The following TTC39A variants were observed in gnomAD, a reference collection of about 807,000 sequenced individuals.
TTC39A encodes the protein tetratricopeptide repeat protein 39A.
TTC39A carries 46 observed loss-of-function variants against 82.3 expected under a neutral mutation model. The ratio of observed to expected loss-of-function variants is 0.56; its 90% CI spans 0.44 to 0.71. The LOEUF is 0.71. Ranked by LOEUF, TTC39A falls within the 30% of genes least tolerant of loss-of-function variation. TTC39A has a pLI of 0.00. For synonymous variants in TTC39A, 254 were observed against 275.2 expected, an observed-to-expected ratio of 0.92 and a Z score of 0.76; for missense variants, 543 against 712.9, an observed-to-expected ratio of 0.76 and a Z score of 2.71.
chr1:51,326,707 T>A (rs1270370233), intron 1 of TTC39A, among the ~76,000 whole-genome samples: 1 of 152,050 alleles, frequency 6.6e-6, no homozygotes, highest in Non-Finnish European at 1.5e-5. Flanking sequence ...CAAAAATGCA[T>A]TCTGTGGAAG....
At chr1:51,335,903 GATA>G (rs1169798293), upstream of TTC39A, among the ~76,000 whole-genome samples, 2 of 152,100 alleles carry the variant, frequency 1.3e-5, no homozygotes, top group East Asian at 3.9e-4. Flanking sequence ...ATAAACCTGG[GATA>G]ATAATCCCAA....
upstream of TTC39A, among the ~76,000 whole-genome samples, chr1:51,335,564 A>C (rs1478236859): frequency 5.0e-5 from 5 of 99,448 alleles, no homozygotes; most frequent in Admixed American, 3.6e-4. Flanking sequence ...CTTGTCTCAC[A>C]AAAAAAAAAA....
intron 1 of TTC39A, among the ~76,000 whole-genome samples, chr1:51,325,609 C>T (rs933963567): frequency 3.0e-4 from 46 of 152,188 alleles, no homozygotes; most frequent in African/African-American, 1.0e-3. Context: ...GCACAGAGGA[C>T]GGGTAACTTG....
rs933550401 is a variant in TTC39A, at chr1:51,307,759, T to C, written c.488+1502A>G. 5.9e-5 allele frequency among the ~76,000 whole-genome samples: 9 copies of C among 151,998 alleles called. No homozygotes were observed. In the East Asian group the frequency reaches 1.5e-3, roughly 26 times the overall value. On this transcript the variant is annotated intron_variant, in intron 6 of 17. Coordinates refer to ENST00000680483, the MANE Select transcript of TTC39A (RefSeq NM_001297663.2). The stretch of plus-strand genomic sequence containing the variant: ...CAAAAAAAAAAAAAAAAAAAAGACT[T>C]TTTTACTTTTCCTCTTTTTTTCATT...
At chr1:51,292,251 T>G (rs1644252561) in intron 14 of TTC39A, among the ~76,000 whole-genome samples, 1 of 152,214 alleles carries the variant, frequency 6.6e-6, no homozygotes, top group Admixed American at 6.5e-5. Context: ...TAACTGTGTT[T>G]GCTTAAATGA....
rs1644678889 is a variant in TTC39A at position 51,302,016 on chromosome 1, A to T, written c.892-283T>A. The T allele has an allele frequency of 5.9e-6, 4 of 681,414 alleles. No individual in the cohort carries two copies. In the East Asian group the frequency reaches 1.1e-4, roughly 18 times the overall value. The allele number at this position is 681,414 out of a possible 1,614,324, so 42.2% of individuals were successfully genotyped here. ...GCAGGAGAGAGCTATAATGGAGGGG[A>T]GGTACCAGACTCCAGCCTAATCGTC... On this transcript the variant is annotated intron_variant, in intron 11 of 17. Transcript: ENST00000680483.
chr1:51,288,285 A>C lies in TTC39A; in HGVS notation c.1611-5T>G, dbSNP rs1644063470. On this transcript the variant is annotated splice_region_variant and splice_polypyrimidine_tract_variant and intron_variant, in intron 17 of 17. Coordinates refer to ENST00000680483, the MANE Select transcript of TTC39A (RefSeq NM_001297663.2). This position sits in a 1 kb window ranked among gnomAD's most constrained non-coding sequence, Gnocchi z 4.8. ...GAGTAATTCTTGTAGTTTTGCCTGG[A>C]ATTGAGCAGCGAATCAGACACATGA... 1.2e-6 allele frequency: 2 copies of C among 1,613,840 alleles called. No individual in the cohort carries two copies. The highest frequency in any genetic ancestry group is 1.7e-6 in the Non-Finnish European group (2 of 1,179,880).
intron 1 of TTC39A, among the ~76,000 whole-genome samples, chr1:51,327,052 G>A (rs1458633655): frequency 6.6e-6 from 1 of 152,190 alleles, no homozygotes; most frequent in East Asian, 1.9e-4. Flanking sequence ...AGGTAGCCTG[G>A]AGCCGCCCCC....
At chr1:51,331,341 T>A, upstream of TTC39A, 3 of 1,512,368 alleles carry the variant, frequency 2.0e-6, no homozygotes, top group Admixed American at 2.0e-5. Context: ...CCTGATCTTC[T>A]GGCACAGAAA....
chr1:51,317,443 G>A (rs1645327008), intron 2 of TTC39A, among the ~76,000 whole-genome samples: 1 of 152,130 alleles, frequency 6.6e-6, no homozygotes, highest in African/African-American at 2.4e-5. Context: ...CTATTTGGAG[G>A]AAAACTGTTA....
chr1:51,291,202 T>TG (rs891474751), intron 14 of TTC39A, among the ~76,000 whole-genome samples: 40 of 151,602 alleles, frequency 2.6e-4, no homozygotes, highest in African/African-American at 5.1e-4. Context: ...TAAAAAAATT[T>TG]GGGGGGGGCC....
Position 51,301,967 on chromosome 1 carries a change from G to A in TTC39A, c.892-234C>T, listed in dbSNP as rs939393996. ...AAATACAGCCCCCGCCTAGGACTCTGGTTTTTAGTAACAAAATGAAAGAGC... is the reference window on the plus strand; with the variant it reads ...AAATACAGCCCCCGCCTAGGACTCTAGTTTTTAGTAACAAAATGAAAGAGC... On this transcript the variant is annotated intron_variant, in intron 11 of 17. Transcript: ENST00000680483. 31 of 651,740 alleles carry A rather than the reference G, an allele frequency of 4.8e-5. 1 individual carries two copies. The Admixed American group carries it at 5.9e-4, about 12-fold the overall frequency. 40.4% of individuals were successfully genotyped at this position (651,740 alleles called of 1,614,324 possible).
chr1:51,334,683 A>G (rs184761834), upstream of TTC39A: 5 of 152,148 alleles, frequency 3.3e-5, no homozygotes, highest in East Asian at 7.7e-4. Context: ...AAAATAGCAG[A>G]GTGCTATATA....
chr1:51,340,362 C>T (rs1211623194), intron 1 of TTC39A, among the ~76,000 whole-genome samples: 2 of 152,138 alleles, frequency 1.3e-5, no homozygotes, highest in Non-Finnish European at 2.9e-5. Flanking sequence ...CATGAGGGAC[C>T]TTTCAGTTTT....
At chr1:51,334,913 G>T (rs917285695), upstream of TTC39A, 1 of 152,240 alleles carries the variant, frequency 6.6e-6, no homozygotes, top group Admixed American at 6.5e-5. Flanking sequence ...GCCGTTCCTG[G>T]CCCCCAGGAG....
intron 2 of TTC39A, among the ~76,000 whole-genome samples, chr1:51,318,466 T>C (rs929643580): frequency 3.0e-4 from 45 of 152,120 alleles, no homozygotes; most frequent in African/African-American, 1.1e-3. Context: ...GGGAGTATGG[T>C]GTGGAGACTG....
chr1:51,309,239 GC>G (rs1470962183), intron 6 of TTC39A, 21 bp downstream of exon 6: 1 of 1,591,408 alleles, frequency 6.3e-7, no homozygotes, highest in East Asian at 2.3e-5. Context: ...CTCCCCACAA[GC>G]GGATGGCCAG....
In TTC39A at chr1:51,294,481, A is replaced by G; in HGVS notation, c.1176T>C (p.Ala392=). The change falls in exon 14 of 18, where the codon GCT becomes GCC. Residue 392 remains alanine (A), a synonymous_variant. Coordinates refer to ENST00000680483, the MANE Select transcript of TTC39A (RefSeq NM_001297663.2). This position sits in a 1 kb window ranked among gnomAD's most constrained non-coding sequence, Gnocchi z 4.3. ...ACTTCTCTGTGGGTAGAGATTTCCC[A>G]GCAATCTTGAGCTTCAGGCCTGGCA... ...RAVPGLKLKI[A]GKSLPTEKFA... is the part of the protein sequence containing the mutation. The G allele has an allele frequency of 6.2e-7, 1 of 1,614,024 alleles. No homozygotes were observed. The highest frequency in any genetic ancestry group is 8.5e-7 in the Non-Finnish European group (1 of 1,179,880).
intron 1 of TTC39A, among the ~76,000 whole-genome samples, chr1:51,325,101 A>C (rs1645664614): frequency 6.6e-6 from 1 of 151,970 alleles, no homozygotes; most frequent in South Asian, 2.1e-4. Context: ...CTAAAAATAC[A>C]ATATTAACTG....
Sources: allele counts gnomAD v4.1 joint callset (sites outside exome capture counted in the v4.1 genomes callset), GRCh38; gene constraint gnomAD v4.1.1; non-coding constraint Gnocchi (gnomAD v3.1); transcripts MANE v1.5; gene names NCBI Gene and HGNC (gene_info 2026-07-23, HGNC 2026-07-21).